HLA-DPA1: variants seen among roughly 807,000 people sequenced by gnomAD.
HLA-DPA1 encodes the protein major histocompatibility complex, class II, DP alpha 1.
Under a neutral mutation model 21.5 loss-of-function variants are expected in HLA-DPA1, and 20 were observed. The observed-to-expected ratio is 0.93, with a 90% confidence interval of 0.66 to 1.35. The LOEUF (loss-of-function observed/expected upper bound fraction) is 1.35, where lower values mean the gene tolerates loss of function less well. Among genes scored for constraint, HLA-DPA1 ranks in the 40% most tolerant of loss-of-function variants. The probability of loss-of-function intolerance (pLI) is 0.00; values close to 1 mark genes in which losing one functional copy is unlikely to be tolerated. For synonymous variants in HLA-DPA1, 123 were observed against 129.6 expected (o/e 0.95, Z 0.35); for missense variants, 279 against 323.0 (o/e 0.86, Z 1.05).
intron 2 of HLA-DPA1, among the ~76,000 whole-genome samples, chr6:33,071,053 C>A (rs73400085): frequency 6.6e-6 from 1 of 151,806 alleles, no homozygotes; most frequent in Admixed American, 6.5e-5. Flanking sequence ...GAAGGAACTA[C>A]GGGACTCTTC....
intron 1 of HLA-DPA1, among the ~76,000 whole-genome samples, chr6:33,074,050 GCTAT>G (rs1762419691): frequency 1.3e-5 from 2 of 152,082 alleles, no homozygotes; most frequent in Non-Finnish European, 2.9e-5. Context: ...GAATGAATGT[GCTAT>G]CTAATAAAAT....
At chr6:33,075,851 T>A (rs1430571086) in intron 1 of HLA-DPA1, 6 of 568,410 alleles carry the variant, frequency 1.1e-5, no homozygotes, top group Non-Finnish European at 1.9e-5. Flanking sequence ...ATACTAACTT[T>A]CTGCCTAGTG....
In HLA-DPA1 at chr6:33,068,635, C is replaced by T; in HGVS notation, c.*12+3G>A. 1.2e-6 allele frequency: 2 copies of T among 1,603,502 alleles called. No homozygotes were observed. The highest frequency in any genetic ancestry group is 1.1e-5 in the South Asian group (1 of 89,916). On this transcript the variant is annotated splice_donor_region_variant and intron_variant, in intron 5 of 5. Coordinates refer to ENST00000419277, the Ensembl canonical transcript of HLA-DPA1. Reference sequence around the variant, plus strand: ...TCCTAGGGCCTCCTCTTTACATTCCCACCTTTACAGTATTTCACAGGGTCC... The same window carrying T: ...TCCTAGGGCCTCCTCTTTACATTCCTACCTTTACAGTATTTCACAGGGTCC...
In HLA-DPA1 at chr6:33,069,317, C is replaced by A. The variant is rs1420873803; in HGVS notation, c.347-17G>T. 2 of 1,605,506 alleles carry A rather than the reference C, an allele frequency of 1.2e-6. No homozygotes were observed. Among genetic ancestry groups the A allele is most frequent in the Non-Finnish European group, 1.7e-6 (2 of 1,175,562 alleles). On this transcript the variant is annotated splice_polypyrimidine_tract_variant and intron_variant, in intron 3 of 5. Transcript: ENST00000419277. ...CAGGGGGATCTGGAAGGAGACAGCACCAGGTTAGGCCCCTCTTCTGGGATG... is the reference window on the plus strand; with the variant it reads ...CAGGGGGATCTGGAAGGAGACAGCAACAGGTTAGGCCCCTCTTCTGGGATG...
At chr6:33,069,762 A>T in exon 3 of HLA-DPA1, 1 of 1,612,668 alleles carries the variant, frequency 6.2e-7, no homozygotes, top group Non-Finnish European at 8.5e-7. Flanking sequence ...ACTCCTCCAG[A>T]TGCCAGACGG....
At chr6:33,074,656 T>A (rs1401409158) in intron 1 of HLA-DPA1, among the ~76,000 whole-genome samples, 2 of 152,230 alleles carry the variant, frequency 1.3e-5, no homozygotes, top group African/African-American at 2.4e-5. Context: ...TACTAACAGA[T>A]TAGGACATGA....
intron 1 of HLA-DPA1, chr6:33,079,638 A>G: frequency 2.2e-6 from 1 of 454,596 alleles, no homozygotes; most frequent in Non-Finnish European, 4.3e-6. Flanking sequence ...TATGGGAGCA[A>G]CAACAACAAC....
In HLA-DPA1 at chr6:33,065,541, T is replaced by G. The variant is rs1761917582; in HGVS notation, c.*13-194A>C. The G allele has an allele frequency of 2.6e-5, 4 of 152,252 alleles. No homozygotes were observed. The South Asian group carries it at 8.3e-4, about 32-fold the overall frequency. The allele number at this position is 152,252 out of a possible 1,614,324, so 9.4% of individuals were successfully genotyped here. A position where few individuals can be genotyped will look rare whatever the true frequency, so the allele number is the denominator to read the frequency against. On this transcript the variant is annotated intron_variant, in intron 5 of 5. Coordinates refer to ENST00000419277, the Ensembl canonical transcript of HLA-DPA1. ...ATAGGAGCCAAGGAGTTCACGAAAG[T>G]CATTGAATTTCACCCTCAAACCCCA...
intron 1 of HLA-DPA1, among the ~76,000 whole-genome samples, chr6:33,075,260 C>T (rs542823781): frequency 2.0e-5 from 3 of 152,104 alleles, no homozygotes; most frequent in Non-Finnish European, 4.4e-5. Flanking sequence ...TGCTATAAGG[C>T]AGGTTATATC....
upstream of HLA-DPA1, chr6:33,080,748 C>A: frequency 1.9e-6 from 3 of 1,604,956 alleles, no homozygotes; most frequent in Non-Finnish European, 2.6e-6. The surrounding 1 kb of genome is among the most constrained non-coding windows in gnomAD (Gnocchi z 4.3). Context: ...GATACATCTA[C>A]AACCGGGAGG....
At position 33,074,146 on chromosome 6, in the gene HLA-DPA1, T is replaced by C. The variant is rs527718428; in HGVS notation, c.-99-477A>G. ...TCATTTCTGCAGAAGTGTTATAATT[T>C]CTATTTAGAGGTTTTAATTAACTTG... On this transcript the variant is annotated intron_variant, in intron 1 of 5. Coordinates refer to ENST00000419277, the Ensembl canonical transcript of HLA-DPA1. 2.0e-5 allele frequency among the ~76,000 whole-genome samples: 3 copies of C among 152,364 alleles called. No individual in the cohort carries two copies. The South Asian group carries it at 6.2e-4, about 32-fold the overall frequency.
intron 1 of HLA-DPA1, chr6:33,073,890 G>A (rs1331161844): frequency 7.3e-6 from 2 of 275,830 alleles, no homozygotes; most frequent in African/African-American, 2.2e-5. Context: ...TTCTTCTGAC[G>A]GCAAATGTTT....
exon 3 of HLA-DPA1, chr6:33,069,861 C>T (rs1258954488): frequency 3.7e-6 from 6 of 1,610,082 alleles, no homozygotes; most frequent in South Asian, 2.2e-5. Context: ...TCTGTACAAA[C>T]GCGGCATAAG....
intron 5 of HLA-DPA1, chr6:33,066,055 CCCTAGTCCCAGCCCT>C (rs1024105343): frequency 3.3e-5 from 5 of 152,200 alleles, no homozygotes; most frequent in African/African-American, 1.2e-4. Flanking sequence ...CCCTACATCA[CCCTAGTCCCAGCCCT>C]CTTTTCCATT....
At position 33,075,094 on chromosome 6, in the gene HLA-DPA1, C is replaced by A. The variant is rs144543956; in HGVS notation, c.-99-1425G>T. Reference sequence around the variant, plus strand: ...TTGAAAGTTTGTAAAAATATTCACTCTAAACAAAATAGAATCAGATGCTTT... The same window carrying A: ...TTGAAAGTTTGTAAAAATATTCACTATAAACAAAATAGAATCAGATGCTTT... On this transcript the variant is annotated intron_variant, in intron 1 of 5. Coordinates refer to ENST00000419277, the Ensembl canonical transcript of HLA-DPA1. 3.6e-3 allele frequency among the ~76,000 whole-genome samples: 543 copies of A among 152,254 alleles called. 3 individuals are homozygous for A. The highest frequency in any genetic ancestry group is 0.026 in the East Asian group (133 of 5,188).
At position 33,080,652 on chromosome 6, in the gene HLA-DPA1, T is replaced by C. The variant is rs748641591; in HGVS notation, c.-100+28A>G. On this transcript the variant is annotated intron_variant, in intron 1 of 5. Transcript: ENST00000419277. This position sits in a 1 kb window ranked among gnomAD's most constrained non-coding sequence, Gnocchi z 4.3. ...TAGATGAGAGTGGCGCCTCCGCTCA[T>C]GTCCGCCCCCTCCCCGCAGAGAATT... 24 of 1,612,210 alleles carry C rather than the reference T, an allele frequency of 1.5e-5. No homozygotes were observed. In the South Asian group the frequency reaches 2.3e-4, roughly 15 times the overall value.
At chr6:33,073,363 G>A in intron 2 of HLA-DPA1, 108 bp downstream of exon 1, 2 of 748,716 alleles carry the variant, frequency 2.7e-6, no homozygotes, top group Non-Finnish European at 4.8e-6. Context: ...AGACTATGAG[G>A]ACCAGATAGA....
intron 1 of HLA-DPA1, among the ~76,000 whole-genome samples, chr6:33,078,701 T>C (rs1439086935): frequency 2.6e-5 from 4 of 152,166 alleles, no homozygotes; most frequent in Non-Finnish European, 5.9e-5. Flanking sequence ...TAAAATTCCA[T>C]TTCAAAAGTT....
intron 2 of HLA-DPA1, among the ~76,000 whole-genome samples, chr6:33,070,338 A>G (rs1762217693): frequency 6.6e-6 from 1 of 152,240 alleles, no homozygotes; most frequent in Admixed American, 6.5e-5. Flanking sequence ...TTACATATTA[A>G]TAACTTGCTA....
Sources: allele counts gnomAD v4.1 joint callset (sites outside exome capture counted in the v4.1 genomes callset), GRCh38; gene constraint gnomAD v4.1.1; non-coding constraint Gnocchi (gnomAD v3.1); transcripts MANE v1.5; gene names NCBI Gene and HGNC (gene_info 2026-07-23, HGNC 2026-07-21).